CCDC146: variants seen among roughly 807,000 people sequenced by gnomAD.
The protein encoded by CCDC146 is coiled-coil domain-containing protein 146.
CCDC146 carries 92 observed loss-of-function variants against 119.3 expected under a neutral mutation model. That is an observed-to-expected ratio of 0.77 (90% CI 0.65 to 0.92). The LOEUF (loss-of-function observed/expected upper bound fraction) is 0.92. CCDC146 is among the 40% of genes least tolerant of loss of function. The pLI, the probability that CCDC146 is intolerant of heterozygous loss-of-function variation, is 0.00. For missense variants in CCDC146, 1,000 were observed against 1,103.0 expected (o/e 0.91, Z 1.32); for synonymous variants, 372 against 371.8 (o/e 1.00, Z -0.01).
intron 1 of CCDC146, among the ~76,000 whole-genome samples, chr7:77,144,132 A>G (rs1421126249): frequency 4.6e-5 from 7 of 151,656 alleles, no homozygotes; most frequent in African/African-American, 9.8e-5. Context: ...GGTCCTTCAC[A>G]TCCCTTGTAA....
intron 4 of CCDC146, among the ~76,000 whole-genome samples, chr7:77,252,409 G>T (rs1437177757): frequency 6.6e-6 from 1 of 151,984 alleles, no homozygotes; most frequent in Non-Finnish European, 1.5e-5. Flanking sequence ...TAAAAATGAA[G>T]AAAAAATCTT....
chr7:77,190,297 C>T lies in CCDC146; in HGVS notation c.156+22473C>T, dbSNP rs1039817843. Among the ~76,000 whole-genome samples the T allele has an allele frequency of 2.0e-5, 3 of 152,192 alleles. No homozygotes were observed. In the East Asian group the frequency reaches 5.8e-4, roughly 29 times the overall value. On this transcript the variant is annotated intron_variant, in intron 2 of 18. Coordinates refer to ENST00000285871, the MANE Select transcript of CCDC146 (RefSeq NM_020879.3). ...GAATCTATAATTTCTGGTAAATATA[C>T]CTATACCAGTAAATTCAGTCACATC...
intron 4 of CCDC146, among the ~76,000 whole-genome samples, chr7:77,252,638 C>A (rs1793097351): frequency 6.6e-6 from 1 of 152,088 alleles, no homozygotes; most frequent in Admixed American, 6.5e-5. Context: ...AAATTCTGAA[C>A]TGGAAATAAG....
At chr7:77,238,754 G>A (rs1340410390) in intron 3 of CCDC146, among the ~76,000 whole-genome samples, 2 of 152,108 alleles carry the variant, frequency 1.3e-5, no homozygotes, top group African/African-American at 4.8e-5. Context: ...GAGATTTGCA[G>A]GGTGCTTTGA....
At chr7:77,127,867 C>T (rs956032620) in intron 1 of CCDC146, among the ~76,000 whole-genome samples, 23 of 151,986 alleles carry the variant, frequency 1.5e-4, no homozygotes, top group Non-Finnish European at 2.4e-4. Context: ...GTATTTCATT[C>T]TGGATGATTT....
chr7:77,270,243 C>T (rs1410463893), intron 9 of CCDC146, among the ~76,000 whole-genome samples: 7 of 151,950 alleles, frequency 4.6e-5, no homozygotes, highest in Admixed American at 1.3e-4. Context: ...ATTGAAAATG[C>T]CTGGAAGAAC....
chr7:77,200,275 C>G (rs759952331), intron 2 of CCDC146, among the ~76,000 whole-genome samples: 4 of 152,170 alleles, frequency 2.6e-5, no homozygotes, highest in Non-Finnish European at 5.9e-5. Flanking sequence ...GTATTTTCTT[C>G]ATGTTGGACT....
intron 5 of CCDC146, among the ~76,000 whole-genome samples, chr7:77,255,951 T>C (rs1373711682): frequency 6.6e-6 from 1 of 152,228 alleles, no homozygotes. Context: ...ATTATTGGCA[T>C]CTGATTTTGT....
At chr7:77,199,151 CATATG>C in intron 2 of CCDC146, 1 of 1,576,526 alleles carries the variant, frequency 6.3e-7, no homozygotes, top group Non-Finnish European at 8.6e-7. Flanking sequence ...CATTTATGAA[CATATG>C]ATAAGAAAAC....
At chr7:77,259,195 C>G (rs761116381) in intron 7 of CCDC146, 127 bp downstream of exon 7, 69 of 580,764 alleles carry the variant, frequency 1.2e-4, no homozygotes, top group Non-Finnish European at 1.7e-4. Context: ...GCTTTGGGCC[C>G]TGTCTAGGTT....
chr7:77,261,622 C>T (rs898857682), intron 8 of CCDC146, among the ~76,000 whole-genome samples: 6 of 152,094 alleles, frequency 3.9e-5, no homozygotes, highest in East Asian at 3.9e-4. Context: ...GGACTACAGG[C>T]GCCCGCCACC....
At chr7:77,242,365 A>G (rs1258046886) in intron 4 of CCDC146, 1 of 990,706 alleles carries the variant, frequency 1.0e-6, no homozygotes, top group Non-Finnish European at 1.2e-6. Flanking sequence ...AGAGAGCAGC[A>G]ACAGGACCAC....
rs374734712 is a variant in CCDC146 at position 77,262,241 on chromosome 7, G to T, written c.1107G>T (p.Leu369=). The change falls in exon 9 of 19, where the codon CTG becomes CTT. Residue 369 remains leucine (L), a synonymous_variant. Coordinates refer to ENST00000285871, the MANE Select transcript of CCDC146 (RefSeq NM_020879.3). ...RDFRNLRKME[L]LLKVSWDALR... ...TTCGAAATTTAAGAAAGATGGAACT[G>T]CTCTTGAAAGTGTCCTGGGATGCAC... 396 of 1,613,886 alleles carry T rather than the reference G, an allele frequency of 2.5e-4. No homozygotes were observed. The highest frequency in any genetic ancestry group is 3.2e-4 in the Non-Finnish European group (377 of 1,179,968).
At chr7:77,148,213 C>CGTGGGATATA (rs1791053572) in intron 1 of CCDC146, among the ~76,000 whole-genome samples, 2 of 152,242 alleles carry the variant, frequency 1.3e-5, no homozygotes, top group East Asian at 3.9e-4. Context: ...CTGAGCCATG[C>CGTGGGATATA]GTGGGATATA....
At chr7:77,140,498 CTTG>C (rs1396507395) in intron 1 of CCDC146, among the ~76,000 whole-genome samples, 1 of 152,140 alleles carries the variant, frequency 6.6e-6, no homozygotes, top group Non-Finnish European at 1.5e-5. Flanking sequence ...CAACAGTCTC[CTTG>C]TTGTTCCTCA....
At chr7:77,245,512 G>A (rs1792932346) in intron 4 of CCDC146, among the ~76,000 whole-genome samples, 1 of 152,182 alleles carries the variant, frequency 6.6e-6, no homozygotes, top group Admixed American at 6.5e-5. Context: ...AAACAAGGCT[G>A]TGGTGAGCTG....
chr7:77,133,665 T>C (rs1790818920), intron 1 of CCDC146, among the ~76,000 whole-genome samples: 2 of 151,206 alleles, frequency 1.3e-5, no homozygotes, highest in South Asian at 4.2e-4. Flanking sequence ...TTTTTTTTTT[T>C]TTTTACCACT....
At chr7:77,260,397 G>A (rs540185311) in intron 8 of CCDC146, among the ~76,000 whole-genome samples, 161 bp downstream of exon 8, 1 of 152,240 alleles carries the variant, frequency 6.6e-6, no homozygotes, top group Admixed American at 6.5e-5. Context: ...GCACTTTGAA[G>A]TATTTTTTGA....
chr7:77,273,283 C>T (rs2150532963), intron 9 of CCDC146, among the ~76,000 whole-genome samples: 1 of 152,268 alleles, frequency 6.6e-6, no homozygotes, highest in Middle Eastern at 3.4e-3. Context: ...TTGCTGGACA[C>T]TTGGTTTATG....
Sources: allele counts gnomAD v4.1 joint callset (sites outside exome capture counted in the v4.1 genomes callset), GRCh38; gene constraint gnomAD v4.1.1; transcripts MANE v1.5; gene names NCBI Gene and HGNC (gene_info 2026-07-23, HGNC 2026-07-21).